MGMT: variants seen among roughly 807,000 people sequenced by gnomAD.
The protein encoded by MGMT is O-6-methylguanine-DNA methyltransferase, also known as methylated-DNA--protein-cysteine methyltransferase.
A neutral mutation model predicts 15.9 loss-of-function variants in MGMT; 14 were observed. That is an observed-to-expected ratio of 0.88 (90% CI 0.58 to 1.37). The LOEUF is 1.37. Ranked by LOEUF, MGMT falls within the 40% of genes most tolerant of loss-of-function variation. MGMT has a pLI of 0.00. For missense variants in MGMT, 282 were observed against 268.1 expected (o/e 1.05, Z -0.36); for synonymous variants, 130 against 118.2 (o/e 1.10, Z -0.65).
At position 129,751,964 on chromosome 10, in the gene MGMT, A is replaced by ATC. The variant is rs200810674; in HGVS notation, c.275-7238_275-7237insTC. Among the ~76,000 whole-genome samples, 1,329 of 152,148 alleles carry ATC rather than the reference A, an allele frequency of 8.7e-3. 15 individuals are homozygous for ATC. The highest frequency in any genetic ancestry group is 0.029 in the African/African-American group (1,222 of 41,566). ...GTCAATGTTTTATGCACACTTGAAA[A>ATC]GAGTATAGATTCTACTGTTATTGGG... On this transcript the variant is annotated intron_variant, in intron 3 of 4. Transcript: ENST00000651593.
Position 129,648,088 on chromosome 10 carries a change from T to C in MGMT, c.126-59807T>C, listed in dbSNP as rs559067235. The stretch of plus-strand genomic sequence containing the variant: ...AATTTCTGGAGGAAATAATATAGTA[T>C]ATATCAAAATCTAGATAGGTAATGG... On this transcript the variant is annotated intron_variant, in intron 2 of 4. Coordinates refer to ENST00000651593, the MANE Select transcript of MGMT (RefSeq NM_002412.5). Among the ~76,000 whole-genome samples, 20 of 152,324 alleles carry C rather than the reference T, an allele frequency of 1.3e-4. No homozygotes were observed. In the South Asian group the frequency reaches 3.9e-3, roughly 30 times the overall value.
intron 1 of MGMT, among the ~76,000 whole-genome samples, chr10:129,482,681 T>G (rs1174749055): frequency 6.6e-6 from 1 of 152,188 alleles, no homozygotes; most frequent in East Asian, 1.9e-4. Flanking sequence ...ATTCCTTTTT[T>G]GAAATTATTT....
At chr10:129,522,421 C>T (rs572319794) in intron 1 of MGMT, among the ~76,000 whole-genome samples, 50 of 152,244 alleles carry the variant, frequency 3.3e-4, no homozygotes, top group African/African-American at 1.1e-3. Context: ...GGACGGTTGC[C>T]GGAGATTGCC....
Position 129,707,770 on chromosome 10 carries a change from T to G in MGMT, c.126-125T>G, listed in dbSNP as rs56254460. ...TCCCCCTTTCTGCTGCACAGCTAGT[T>G]GAGACGTGTGTGCCCATGAAGCAGC... On this transcript the variant is annotated intron_variant, in intron 2 of 4. Coordinates refer to ENST00000651593, the MANE Select transcript of MGMT (RefSeq NM_002412.5). 439 of 1,299,178 alleles carry G rather than the reference T, an allele frequency of 3.4e-4. No homozygotes were observed. The East Asian group carries it at 5.8e-3, about 17-fold the overall frequency. 80.5% of individuals were successfully genotyped at this position (1,299,178 alleles called of 1,614,324 possible).
In MGMT at chr10:129,682,081, TG is replaced by T. The variant is rs541702786; in HGVS notation, c.126-25812del. ...CTCCTACAGCCACTCGGAGACCACG[TG>T]GCCACTTCCCAGAAAGTTAAGCATC... is the stretch of plus-strand genomic sequence containing the variant. On this transcript the variant is annotated intron_variant, in intron 2 of 4. Coordinates refer to ENST00000651593, the MANE Select transcript of MGMT (RefSeq NM_002412.5). 2.3e-4 allele frequency among the ~76,000 whole-genome samples: 35 copies of T among 152,246 alleles called. No homozygotes were observed. The South Asian group carries it at 7.0e-3, about 31-fold the overall frequency.
At chr10:129,696,104 C>T (rs921570146) in intron 2 of MGMT, among the ~76,000 whole-genome samples, 3 of 152,116 alleles carry the variant, frequency 2.0e-5, no homozygotes, top group Non-Finnish European at 4.4e-5. Context: ...GGGACCTCTT[C>T]ACTCCCCCTT....
chr10:129,607,069 G>T (rs1311425403), intron 2 of MGMT, among the ~76,000 whole-genome samples: 3 of 152,058 alleles, frequency 2.0e-5, no homozygotes, highest in Non-Finnish European at 4.4e-5. Flanking sequence ...TTCTGAGTTG[G>T]CACCCTCCGG....
At chr10:129,630,634 G>A (rs184978186) in intron 2 of MGMT, among the ~76,000 whole-genome samples, 2 of 152,328 alleles carry the variant, frequency 1.3e-5, no homozygotes, top group African/African-American at 4.8e-5. Context: ...TGGGTGAGAT[G>A]CTTCGAACTG....
At chr10:129,691,290 C>G (rs761531475) in intron 2 of MGMT, among the ~76,000 whole-genome samples, 1 of 152,230 alleles carries the variant, frequency 6.6e-6, no homozygotes, top group Non-Finnish European at 1.5e-5. Context: ...ACACCTAACA[C>G]TGTCCCAGTC....
At chr10:129,492,546 T>C (rs1183074819) in intron 1 of MGMT, among the ~76,000 whole-genome samples, 1 of 152,206 alleles carries the variant, frequency 6.6e-6, no homozygotes, top group African/African-American at 2.4e-5. Flanking sequence ...AGCAAATTGA[T>C]TGCACTTTTG....
rs1338212575 is a variant in MGMT at position 129,495,858 on chromosome 10, CAG to C, written c.-13+28566_-13+28567del. ...AATAGGCCTGTGTCTGGTCAGTAAA[CAG>C]AGAATGTAATGACATTCCCAGAGCA... On this transcript the variant is annotated intron_variant, in intron 1 of 4. Coordinates refer to ENST00000651593, the MANE Select transcript of MGMT (RefSeq NM_002412.5). Among the ~76,000 whole-genome samples, 3 of 152,202 alleles carry C rather than the reference CAG, an allele frequency of 2.0e-5. No individual in the cohort carries two copies. The East Asian group carries it at 5.8e-4, about 29-fold the overall frequency.
At chr10:129,616,255 G>A (rs1847025105) in intron 2 of MGMT, among the ~76,000 whole-genome samples, 1 of 152,166 alleles carries the variant, frequency 6.6e-6, no homozygotes, top group Non-Finnish European at 1.5e-5. Flanking sequence ...CGGTGCTTAG[G>A]AATCTTGAAA....
intron 1 of MGMT, among the ~76,000 whole-genome samples, chr10:129,529,142 G>A (rs531897080): frequency 3.3e-5 from 5 of 152,006 alleles, no homozygotes; most frequent in South Asian, 2.1e-4. Context: ...GCTGTGAAGC[G>A]AGAGCGAGGC....
chr10:129,632,371 A>T (rs1002247543), intron 2 of MGMT, among the ~76,000 whole-genome samples: 2 of 152,226 alleles, frequency 1.3e-5, no homozygotes, highest in African/African-American at 2.4e-5. Context: ...CAAGTGCTCC[A>T]TGAGGCAGTG....
At chr10:129,621,528 G>C (rs1393804310) in intron 2 of MGMT, among the ~76,000 whole-genome samples, 1 of 152,202 alleles carries the variant, frequency 6.6e-6, no homozygotes, top group African/African-American at 2.4e-5. Flanking sequence ...CTTGTGGACA[G>C]TAATTGGAAA....
intron 2 of MGMT, among the ~76,000 whole-genome samples, chr10:129,553,656 T>C (rs539263726): frequency 6.6e-6 from 1 of 152,312 alleles, no homozygotes; most frequent in East Asian, 1.9e-4. Context: ...GAGCTTTGTC[T>C]ACTGCGGGAG....
chr10:129,516,019 G>A (rs1845734533), intron 1 of MGMT, among the ~76,000 whole-genome samples: 1 of 152,242 alleles, frequency 6.6e-6, no homozygotes, highest in Non-Finnish European at 1.5e-5. Context: ...TGTATGTGGT[G>A]TCTACAGGTT....
At chr10:129,736,810 C>T (rs964253874) in intron 3 of MGMT, among the ~76,000 whole-genome samples, 1 of 151,936 alleles carries the variant, frequency 6.6e-6, no homozygotes, top group Non-Finnish European at 1.5e-5. Flanking sequence ...ATTTCTCCTT[C>T]ACTTAAGAAG....
At chr10:129,614,394 C>T (rs150057802) in intron 2 of MGMT, among the ~76,000 whole-genome samples, 18 of 152,276 alleles carry the variant, frequency 1.2e-4, no homozygotes, top group East Asian at 5.8e-4. Flanking sequence ...GTGGGCTTTC[C>T]GAGCCTGCGC....
Sources: allele counts gnomAD v4.1 joint callset (sites outside exome capture counted in the v4.1 genomes callset), GRCh38; gene constraint gnomAD v4.1.1; transcripts MANE v1.5; gene names NCBI Gene and HGNC (gene_info 2026-07-23, HGNC 2026-07-21).